The following HTR2A variants were observed in gnomAD, a reference collection of about 807,000 sequenced individuals.
The protein encoded by HTR2A is 5-hydroxytryptamine receptor 2A, also known as 5-HT2 receptor.
HTR2A carries 14 observed loss-of-function variants against 31.0 expected under a neutral mutation model. The observed-to-expected ratio is 0.45, with a 90% confidence interval of 0.30 to 0.71. HTR2A has a LOEUF of 0.71. HTR2A is among the 30% of genes least tolerant of loss of function. The probability of loss-of-function intolerance (pLI) is 0.09; values close to 1 mark genes in which losing one functional copy is unlikely to be tolerated. For synonymous variants in HTR2A, 209 were observed against 225.2 expected (o/e 0.93, Z 0.64); for missense variants, 442 against 573.3 (o/e 0.77, Z 2.34).
chr13:46,891,653 G>C (rs1198832951), intron 3 of HTR2A, among the ~76,000 whole-genome samples: 3 of 152,206 alleles, frequency 2.0e-5, no homozygotes, highest in African/African-American at 7.2e-5. Flanking sequence ...ATTTTAAAAT[G>C]AATGTCAGAG....
In HTR2A at chr13:46,834,416, C is replaced by T. The variant is rs1203521245; in HGVS notation, c.*421G>A. On this transcript the variant is annotated 3_prime_UTR_variant, in exon 4 of 4. Coordinates refer to ENST00000542664, the MANE Select transcript of HTR2A (RefSeq NM_000621.5). ...ATAATTTTTAAGAGGCCATTATATT[C>T]AATAAAATTTTCACTATTTATAGCT... The T allele has an allele frequency of 1.3e-5, 2 of 157,214 alleles. No homozygotes were observed. The highest frequency in any genetic ancestry group is 2.8e-5 in the Non-Finnish European group (2 of 71,358). The allele number at this position is 157,214 out of a possible 1,614,324, so 9.7% of individuals were successfully genotyped here. A position where few individuals can be genotyped will look rare whatever the true frequency, so the allele number is the denominator to read the frequency against.
intron 3 of HTR2A, among the ~76,000 whole-genome samples, chr13:46,872,529 A>C (rs1950870375): frequency 6.6e-6 from 1 of 152,106 alleles, no homozygotes; most frequent in Non-Finnish European, 1.5e-5. Context: ...TAGATTTGTT[A>C]CGTCTAAATT....
At chr13:46,882,012 T>C (rs753619110) in intron 3 of HTR2A, among the ~76,000 whole-genome samples, 45 of 152,218 alleles carry the variant, frequency 3.0e-4, no homozygotes, top group Non-Finnish European at 6.2e-4. Flanking sequence ...TGTAGTTACA[T>C]TTGCTTGTAT....
At chr13:46,839,838 CT>C (rs1346057349) in intron 3 of HTR2A, among the ~76,000 whole-genome samples, 1 of 152,192 alleles carries the variant, frequency 6.6e-6, no homozygotes, top group African/African-American at 2.4e-5. Flanking sequence ...CTTTGCACCT[CT>C]AGTTAACATC....
At chr13:46,845,657 A>AG (rs1359393995) in intron 3 of HTR2A, among the ~76,000 whole-genome samples, 1 of 151,340 alleles carries the variant, frequency 6.6e-6, no homozygotes, top group African/African-American at 2.4e-5. Context: ...AAAAAAAAAA[A>AG]AAAGAAAAAA....
chr13:46,887,290 G>A (rs973488142), intron 3 of HTR2A, among the ~76,000 whole-genome samples: 14 of 152,024 alleles, frequency 9.2e-5, no homozygotes, highest in Middle Eastern at 3.4e-3. Context: ...GGGTGTGGTG[G>A]CGGGCGCCTG....
At position 46,896,216 on chromosome 13, in the gene HTR2A, G is replaced by A. The variant is rs539207538; in HGVS notation, c.-310C>T. ...AGAGGTTGCAGGGTTTTTTTTGAGC[G>A]CTCGGGAAGATAAATGTCCTGGACA... On this transcript the variant is annotated 5_prime_UTR_variant, in exon 2 of 4. Transcript: ENST00000542664. 12 of 1,149,586 alleles carry A rather than the reference G, an allele frequency of 1.0e-5. No individual in the cohort carries two copies. The highest frequency in any genetic ancestry group is 3.7e-4 in the Middle Eastern group (1 of 2,732). 71.2% of individuals were successfully genotyped at this position (1,149,586 alleles called of 1,614,324 possible). A position where few individuals can be genotyped will look rare whatever the true frequency, so the allele number is the denominator to read the frequency against.
chr13:46,834,215 T>G lies in HTR2A; in HGVS notation c.*622A>C, dbSNP rs17069218. 6.6e-6 allele frequency: 1 copy of G among 152,668 alleles called. No individual in the cohort carries two copies. Among genetic ancestry groups the G allele is most frequent in the Non-Finnish European group, 1.5e-5 (1 of 68,040 alleles). The allele number at this position is 152,668 out of a possible 1,614,324, so 9.5% of individuals were successfully genotyped here. On this transcript the variant is annotated 3_prime_UTR_variant, in exon 4 of 4. Transcript: ENST00000542664. ...TTCACTTCTGAGAATTAACTTGAAA[T>G]GCAGCAAATGCCAGCAACCTTGTGA...
intron 3 of HTR2A, among the ~76,000 whole-genome samples, chr13:46,880,254 G>T (rs1372238753): frequency 6.6e-6 from 1 of 152,162 alleles, no homozygotes; most frequent in Admixed American, 6.5e-5. Context: ...ACAATAAACT[G>T]ATCAGAAGAT....
At chr13:46,873,833 CA>C (rs1380528329) in intron 3 of HTR2A, among the ~76,000 whole-genome samples, 1 of 152,118 alleles carries the variant, frequency 6.6e-6, no homozygotes, top group Non-Finnish European at 1.5e-5. Context: ...GTCTTTCATT[CA>C]AATGTCCGCA....
chr13:46,846,047 C>T (rs1175611882), intron 3 of HTR2A, among the ~76,000 whole-genome samples: 2 of 152,084 alleles, frequency 1.3e-5, no homozygotes, highest in Non-Finnish European at 2.9e-5. Flanking sequence ...TTAGGCTGTC[C>T]CACACAGCCT....
rs147807401 is a variant in HTR2A at position 46,866,733 on chromosome 13, A to G, written c.613+25657T>C. ...TAAATGCTTTACATAACACATCAGA[A>G]GGTAATAAGTAGGCCAGGTACGGTG... On this transcript the variant is annotated intron_variant, in intron 3 of 3. Transcript: ENST00000542664. Among the ~76,000 whole-genome samples, 1,159 of 152,316 alleles carry G rather than the reference A, an allele frequency of 7.6e-3. 13 individuals are homozygous for G. The highest frequency in any genetic ancestry group is 9.2e-3 in the Non-Finnish European group (629 of 68,028).
At chr13:46,836,091 T>C (rs1244462408) in intron 3 of HTR2A, among the ~76,000 whole-genome samples, 2 of 151,996 alleles carry the variant, frequency 1.3e-5, no homozygotes, top group African/African-American at 4.8e-5. Flanking sequence ...GTTTCTTTTT[T>C]TGATGCTGTT....
At chr13:46,866,047 T>A (rs1950816140) in intron 3 of HTR2A, among the ~76,000 whole-genome samples, 1 of 152,248 alleles carries the variant, frequency 6.6e-6, no homozygotes, top group South Asian at 2.1e-4. Context: ...ACTATCTTTA[T>A]CTTGCTCACA....
intron 3 of HTR2A, among the ~76,000 whole-genome samples, chr13:46,855,436 T>G (rs569886715): frequency 6.6e-6 from 1 of 152,130 alleles, no homozygotes; most frequent in African/African-American, 2.4e-5. Flanking sequence ...GTGTGAGACA[T>G]AAATCAATCT....
At chr13:46,850,189 A>C (rs1950672547) in intron 3 of HTR2A, among the ~76,000 whole-genome samples, 1 of 152,226 alleles carries the variant, frequency 6.6e-6, no homozygotes, top group Admixed American at 6.5e-5. Context: ...AGTTAATAAT[A>C]ATCATCCATC....
Position 46,831,876 on chromosome 13 carries a change from A to G in HTR2A, c.*2961T>C, listed in dbSNP as rs1406568938. On this transcript the variant is annotated 3_prime_UTR_variant, in exon 4 of 4. Transcript: ENST00000542664. Reference sequence around the variant, plus strand: ...ATTGCTTTTTTTTGAATATAGAGGAATCTATCATTCAACTTAAAGTAGAGC... The same window carrying G: ...ATTGCTTTTTTTTGAATATAGAGGAGTCTATCATTCAACTTAAAGTAGAGC... 1 of 152,182 alleles carries G rather than the reference A, an allele frequency of 6.6e-6. No individual in the cohort carries two copies. Among genetic ancestry groups the G allele is most frequent in the African/African-American group, 2.4e-5 (1 of 41,452 alleles). The allele number at this position is 152,182 out of a possible 1,614,324, so 9.4% of individuals were successfully genotyped here. A position where few individuals can be genotyped will look rare whatever the true frequency, so the allele number is the denominator to read the frequency against.
chr13:46,850,379 T>C (rs1414785595), intron 3 of HTR2A, among the ~76,000 whole-genome samples: 10 of 152,194 alleles, frequency 6.6e-5, no homozygotes, highest in African/African-American at 2.4e-4. Context: ...GTTTGTGCTA[T>C]TATTATCACT....
chr13:46,863,345 G>A (rs924600133), intron 3 of HTR2A, among the ~76,000 whole-genome samples: 5 of 152,026 alleles, frequency 3.3e-5, no homozygotes, highest in Admixed American at 6.6e-5. Flanking sequence ...TAATTGGCCC[G>A]GTGTGGTGGC....
Sources: allele counts gnomAD v4.1 joint callset (sites outside exome capture counted in the v4.1 genomes callset), GRCh38; gene constraint gnomAD v4.1.1; transcripts MANE v1.5; gene names NCBI Gene and HGNC (gene_info 2026-07-23, HGNC 2026-07-21).